The following PCNX2 variants were observed in gnomAD, a reference collection of about 807,000 sequenced individuals.
PCNX2 encodes pecanex-like protein 2.
A neutral mutation model predicts 223.8 loss-of-function variants in PCNX2; 168 were observed. The observed-to-expected ratio is 0.75, with a 90% confidence interval of 0.66 to 0.85. The LOEUF is 0.85. Among genes scored for constraint, PCNX2 ranks in the 40% least tolerant of loss-of-function variants. The pLI, the probability that PCNX2 is intolerant of heterozygous loss-of-function variation, is 0.00. For synonymous variants in PCNX2, 1,006 were observed against 1,052.6 expected (o/e 0.96, Z 0.86); for missense variants, 2,507 against 2,675.5 (o/e 0.94, Z 1.39).
intron 8 of PCNX2, among the ~76,000 whole-genome samples, chr1:233,241,686 C>T (rs60435167): frequency 8.5e-4 from 129 of 152,130 alleles, no homozygotes; most frequent in African/African-American, 2.8e-3. Context: ...AAGTGAGTGA[C>T]GCAGCTATAT....
At chr1:233,161,399 C>A (rs1224109144) in intron 17 of PCNX2, 36 bp from the exon 18 acceptor site, 1 of 1,554,442 alleles carries the variant, frequency 6.4e-7, no homozygotes, top group Non-Finnish European at 8.9e-7. Flanking sequence ...GGCGACTCTT[C>A]ATTTCTCTCA....
intron 1 of PCNX2, chr1:233,291,537 G>C: frequency 2.7e-6 from 1 of 366,764 alleles, no homozygotes; most frequent in South Asian, 1.1e-4. Context: ...GAACCCGGGA[G>C]GTGGAGGTTG....
chr1:233,271,515 A>G (rs916382085), intron 1 of PCNX2, among the ~76,000 whole-genome samples: 2 of 150,362 alleles, frequency 1.3e-5, no homozygotes, highest in Non-Finnish European at 3.0e-5. Flanking sequence ...TTTCAAGCCT[A>G]TATCAATTAA....
intron 10 of PCNX2, among the ~76,000 whole-genome samples, chr1:233,219,376 G>T (rs1657229574): frequency 6.6e-6 from 1 of 152,066 alleles, no homozygotes; most frequent in Non-Finnish European, 1.5e-5. Context: ...TTCTGTGAGA[G>T]GATAAGATGC....
rs941952213 is a variant in PCNX2 at position 232,998,975 on chromosome 1, G to T, written c.5603+130C>A. On this transcript the variant is annotated intron_variant, in intron 31 of 33. Coordinates refer to ENST00000258229, the MANE Select transcript of PCNX2 (RefSeq NM_014801.4). ...CAAATGATCTGTTCGATGCCACTTG[G>T]GGGTAGCAGTTTTAATCATATGAGA... The T allele has an allele frequency of 3.9e-6, 4 of 1,023,178 alleles. No homozygotes were observed. In the African/African-American group the frequency reaches 6.5e-5, roughly 17 times the overall value. 63.4% of individuals were successfully genotyped at this position (1,023,178 alleles called of 1,614,324 possible).
At chr1:233,044,729 C>T (rs1023846435) in intron 25 of PCNX2, among the ~76,000 whole-genome samples, 5 of 151,440 alleles carry the variant, frequency 3.3e-5, no homozygotes, top group South Asian at 2.1e-4. Flanking sequence ...GGTGCAATGG[C>T]GTGATCTTGG....
intron 25 of PCNX2, among the ~76,000 whole-genome samples, chr1:233,033,479 T>C (rs1249289335): frequency 1.3e-5 from 2 of 152,218 alleles, no homozygotes; most frequent in Non-Finnish European, 2.9e-5. Flanking sequence ...CTTGTGTCTT[T>C]AAGGCAAAAA....
intron 23 of PCNX2, among the ~76,000 whole-genome samples, chr1:233,077,952 A>C (rs1420386954): frequency 1.3e-5 from 2 of 152,196 alleles, no homozygotes; most frequent in Non-Finnish European, 2.9e-5. Flanking sequence ...GACAAGAAAA[A>C]TTAGAGAATG....
chr1:233,284,311 T>C (rs1661338914), intron 1 of PCNX2, among the ~76,000 whole-genome samples: 1 of 152,136 alleles, frequency 6.6e-6, no homozygotes, highest in Non-Finnish European at 1.5e-5. Context: ...TCTTGATGTC[T>C]CCCATATATT....
intron 1 of PCNX2, among the ~76,000 whole-genome samples, chr1:233,267,239 C>T (rs1398375773): frequency 4.0e-5 from 6 of 151,794 alleles, no homozygotes. Context: ...ATCACTTGAA[C>T]GTGGGAGGCA....
rs1024191668 is a variant in PCNX2 at position 233,000,103 on chromosome 1, C to G, written c.5328+202G>C. Among the ~76,000 whole-genome samples the G allele has an allele frequency of 1.3e-5, 2 of 151,610 alleles. No homozygotes were observed. The highest frequency in any genetic ancestry group is 4.9e-5 in the African/African-American group (2 of 40,900). ...TGGCTCTGTGAGGTGGAGGGTGATC[C>G]TGCCAGGGGAACACAGCACCCAGCC... On this transcript the variant is annotated intron_variant, in intron 30 of 33. Transcript: ENST00000258229. This position sits in a 1 kb window ranked among gnomAD's most constrained non-coding sequence, Gnocchi z 4.6.
chr1:233,273,912 C>T (rs1486972551), intron 1 of PCNX2, among the ~76,000 whole-genome samples: 1 of 152,132 alleles, frequency 6.6e-6, no homozygotes. Flanking sequence ...CGTGAGTCAT[C>T]GTGCCTGACC....
At position 233,000,104 on chromosome 1, in the gene PCNX2, T is replaced by G. The variant is rs1164851691; in HGVS notation, c.5328+201A>C. Reference sequence around the variant, plus strand: ...GGCTCTGTGAGGTGGAGGGTGATCCTGCCAGGGGAACACAGCACCCAGCCT... The same window carrying G: ...GGCTCTGTGAGGTGGAGGGTGATCCGGCCAGGGGAACACAGCACCCAGCCT... On this transcript the variant is annotated intron_variant, in intron 30 of 33. Transcript: ENST00000258229. This position sits in a 1 kb window ranked among gnomAD's most constrained non-coding sequence, Gnocchi z 4.6. 1.3e-5 allele frequency among the ~76,000 whole-genome samples: 2 copies of G among 151,546 alleles called. No individual in the cohort carries two copies. Among genetic ancestry groups the G allele is most frequent in the African/African-American group, 4.9e-5 (2 of 40,816 alleles).
chr1:233,187,828 C>A (rs914675343), intron 15 of PCNX2, among the ~76,000 whole-genome samples: 1 of 152,028 alleles, frequency 6.6e-6, no homozygotes, highest in African/African-American at 2.4e-5. Context: ...GTTCAGACAG[C>A]CAAAAGACTT....
intron 1 of PCNX2, among the ~76,000 whole-genome samples, chr1:233,274,271 G>T (rs1039076999): frequency 6.6e-6 from 1 of 152,110 alleles, no homozygotes; most frequent in African/African-American, 2.4e-5. Context: ...GACATCTTGG[G>T]CCAGATAGTT....
intron 23 of PCNX2, among the ~76,000 whole-genome samples, chr1:233,067,721 C>T (rs926997812): frequency 3.3e-5 from 5 of 152,116 alleles, no homozygotes; most frequent in Admixed American, 6.5e-5. Context: ...GATCCACCGG[C>T]CTCGGCCTCC....
Position 233,177,933 on chromosome 1 carries a change from T to C in PCNX2, c.3177-35A>G, listed in dbSNP as rs139090633. 2.7e-4 allele frequency: 425 copies of C among 1,552,824 alleles called. 2 individuals carry two copies. In the African/African-American group the frequency reaches 3.6e-3, roughly 13 times the overall value. On this transcript the variant is annotated intron_variant, in intron 16 of 33. Coordinates refer to ENST00000258229, the MANE Select transcript of PCNX2 (RefSeq NM_014801.4). ...GAAAAACACAATACTTCATCAAAGA[T>C]GTTCCTGGGACAGTGTTTTCGGTAA...
chr1:233,210,251 C>T (rs1403979194), intron 12 of PCNX2, among the ~76,000 whole-genome samples: 1 of 152,128 alleles, frequency 6.6e-6, no homozygotes, highest in Non-Finnish European at 1.5e-5. Context: ...CCAAACCATA[C>T]TAAGCATTTT....
intron 26 of PCNX2, among the ~76,000 whole-genome samples, chr1:233,024,586 C>T (rs983950336): frequency 1.3e-5 from 2 of 152,222 alleles, no homozygotes; most frequent in Non-Finnish European, 2.9e-5. Context: ...TTACTCCAAA[C>T]TGCCATGATT....
Sources: gnomAD v4.1 joint callset for allele counts (sites outside exome capture counted in the v4.1 genomes callset) on GRCh38, gnomAD v4.1.1 for gene constraint, Gnocchi (gnomAD v3.1) non-coding constraint, MANE v1.5 for transcripts, NCBI Gene and HGNC (gene_info 2026-07-23, HGNC 2026-07-21) for gene names.